Variants in EPB42 observed in about 807,000 individuals in gnomAD.
EPB42 encodes the protein erythrocyte membrane protein band 4.2.
A neutral mutation model predicts 76.9 loss-of-function variants in EPB42; 49 were observed. The ratio of observed to expected loss-of-function variants is 0.64; its 90% CI spans 0.51 to 0.81. The LOEUF (loss-of-function observed/expected upper bound fraction) is 0.81. Among genes scored for constraint, EPB42 ranks in the 30% least tolerant of loss-of-function variants. The pLI, the probability that EPB42 is intolerant of heterozygous loss-of-function variation, is 0.00. For missense variants in EPB42, 731 were observed against 867.6 expected (o/e 0.84, Z 1.98); for synonymous variants, 310 against 338.4 (o/e 0.92, Z 0.92).
chr15:43,224,803 G>T (rs189240620), upstream of EPB42, among the ~76,000 whole-genome samples: 123 of 152,340 alleles, frequency 8.1e-4, no homozygotes, highest in Non-Finnish European at 1.4e-3. Flanking sequence ...TTGAGACAGG[G>T]TCTTGCTCTG....
At chr15:43,204,160 T>C (rs1227142390) in intron 10 of EPB42, among the ~76,000 whole-genome samples, 2 of 152,174 alleles carry the variant, frequency 1.3e-5, no homozygotes, top group Non-Finnish European at 2.9e-5. Context: ...TTGTCTCACC[T>C]TCCCAACGCA....
intron 12 of EPB42, among the ~76,000 whole-genome samples, chr15:43,197,778 G>C (rs2042065312): frequency 6.6e-6 from 1 of 152,152 alleles, no homozygotes; most frequent in Non-Finnish European, 1.5e-5. Context: ...AGAGTGATAT[G>C]GTTTGGCTGT....
rs1357906338 is a variant in EPB42 at position 43,212,369 on chromosome 15, CAAAAAAAAAAAAAAAAAG to C, written c.431-853_431-836del. Among the ~76,000 whole-genome samples, 5 of 86,904 alleles carry C rather than the reference CAAAAAAAAAAAAAAAAAG, an allele frequency of 5.8e-5. No individual in the cohort carries two copies. In the Admixed American group the frequency reaches 6.0e-4, roughly 10 times the overall value. The allele number at this position is 86,904 out of a possible 152,430, so 57.0% of individuals were successfully genotyped here. A position where few individuals can be genotyped will look rare whatever the true frequency, so the allele number is the denominator to read the frequency against. On this transcript the variant is annotated intron_variant, in intron 3 of 12. Transcript: ENST00000441366. The stretch of plus-strand genomic sequence containing the variant: ...GGGCAACAAGAGTGAAACTCCGTCT[CAAAAAAAAAAAAAAAAAG>C]AAAAAAGAAAAAAAAAAGAAAATCC...
intron 3 of EPB42, 28 bp downstream of exon 3, chr15:43,215,067 G>A (rs1357353984): frequency 3.8e-6 from 6 of 1,595,816 alleles, no homozygotes; most frequent in Non-Finnish European, 5.1e-6. Context: ...TCTCCATGCA[G>A]CCCAGGCTGG....
chr15:43,217,413 T>G (rs528023804), intron 1 of EPB42, among the ~76,000 whole-genome samples: 1 of 152,004 alleles, frequency 6.6e-6, no homozygotes, highest in Non-Finnish European at 1.5e-5. Context: ...TCTTTATAAA[T>G]TACCCCATCT....
intron 5 of EPB42, among the ~76,000 whole-genome samples, 179 bp downstream of exon 5, chr15:43,210,156 G>C (rs1036391361): frequency 1.3e-5 from 2 of 152,174 alleles, no homozygotes; most frequent in Non-Finnish European, 2.9e-5. Flanking sequence ...CCCCGCTGTG[G>C]ATGCTATTGC....
chr15:43,198,824 G>C (rs2042085377), intron 12 of EPB42, among the ~76,000 whole-genome samples: 1 of 152,286 alleles, frequency 6.6e-6, no homozygotes, highest in South Asian at 2.1e-4. Flanking sequence ...GCAGCCTAAG[G>C]ACTTGGTGCC....
rs775503565 is a variant in EPB42, at chr15:43,206,485, C to G, written c.1463G>C (p.Arg488Thr). The G allele has an allele frequency of 5.6e-6, 9 of 1,614,090 alleles. No homozygotes were observed. The highest frequency in any genetic ancestry group is 3.4e-6 in the Non-Finnish European group (4 of 1,180,044). The change falls in exon 10 of 13, where the codon AGA becomes ACA. Residue 488 changes from arginine to threonine, a missense_variant. Coordinates refer to ENST00000441366, the MANE Select transcript of EPB42 (RefSeq NM_001114134.2). This position sits in a 1 kb window ranked among gnomAD's most constrained non-coding sequence, Gnocchi z 4.7. Reference sequence around the variant, plus strand: ...CGTCACTGAGATCTGGGCATCCCCTCTCAGGGGTAGGGAGCTGGGTGCTTT... The same window carrying G: ...CGTCACTGAGATCTGGGCATCCCCTGTCAGGGGTAGGGAGCTGGGTGCTTT... ...LLKAPSSLPL[R>T]GDAQISVTLV... is the part of the protein sequence containing the mutation.
Position 43,201,909 on chromosome 15 carries a change from G to T in EPB42, c.1848C>A (p.Ala616=). ...ASVSLQNSLD[A]PMEDCVISIL... ...TGGAGATCACACAGTCCTCCATGGG[G>T]GCATCTAGGGAGTTCTGGAGGCTGA... is the stretch of plus-strand genomic sequence containing the variant. The change falls in exon 12 of 13, where the codon GCC becomes GCA. Residue 616 remains alanine (A), a synonymous_variant. Coordinates refer to ENST00000441366, the MANE Select transcript of EPB42 (RefSeq NM_001114134.2). 6.2e-7 allele frequency: 1 copy of T among 1,614,156 alleles called. No individual in the cohort carries two copies. Among genetic ancestry groups the T allele is most frequent in the South Asian group, 1.1e-5 (1 of 91,084 alleles).
chr15:43,224,189 G>A (rs1272665360), upstream of EPB42, among the ~76,000 whole-genome samples: 1 of 152,146 alleles, frequency 6.6e-6, no homozygotes, highest in Non-Finnish European at 1.5e-5. Context: ...CTGTGTCCAC[G>A]CGGAAAGAGA....
chr15:43,224,001 A>AT (rs1261320083), upstream of EPB42, among the ~76,000 whole-genome samples: 1 of 152,180 alleles, frequency 6.6e-6, no homozygotes, highest in Non-Finnish European at 1.5e-5. Context: ...AAATTAATTA[A>AT]TAAATAATTG....
chr15:43,225,060 C>T (rs1487932283), upstream of EPB42, among the ~76,000 whole-genome samples: 1 of 152,230 alleles, frequency 6.6e-6, no homozygotes, highest in African/African-American at 2.4e-5. Context: ...AGGCATGAGC[C>T]ACCGCGCCCA....
chr15:43,222,580 G>A (rs552881384), upstream of EPB42, among the ~76,000 whole-genome samples: 26 of 152,176 alleles, frequency 1.7e-4, no homozygotes, highest in African/African-American at 5.5e-4. Context: ...ATTGTTTTTT[G>A]AAACTAGGTA....
At chr15:43,203,390 C>A (rs2042156439) in intron 10 of EPB42, 115 bp from the exon 11 acceptor site, 2 of 1,309,220 alleles carry the variant, frequency 1.5e-6, no homozygotes, top group Admixed American at 2.0e-5. Flanking sequence ...GAAAGATGCA[C>A]CATTTTCCCC....
At chr15:43,210,542 C>T (rs1226153034) in intron 4 of EPB42, 103 bp from the exon 5 acceptor site, 13 of 1,050,288 alleles carry the variant, frequency 1.2e-5, no homozygotes, top group Non-Finnish European at 1.6e-5. Context: ...CTCATCATCT[C>T]GTCCTTCTCC....
chr15:43,208,714 G>T lies in EPB42; in HGVS notation c.894C>A (p.Thr298=), dbSNP rs35719500. ...VVTTFASAQG[T]GGRLLIDEYY... Reference sequence around the variant, plus strand: ...ATTCATCTATGAGAAGACGCCCACCGGTGCCCTGTGCTGAGGCAAACGTGG... The same window carrying T: ...ATTCATCTATGAGAAGACGCCCACCTGTGCCCTGTGCTGAGGCAAACGTGG... Residue 298 remains threonine, a synonymous_variant, in exon 7 of 13, where the codon ACC becomes ACA. Transcript: ENST00000441366. 2 of 1,614,184 alleles carry T rather than the reference G, an allele frequency of 1.2e-6. No homozygotes were observed. Among genetic ancestry groups the T allele is most frequent in the East Asian group, 4.5e-5 (2 of 44,890 alleles).
intron 11 of EPB42, among the ~76,000 whole-genome samples, chr15:43,202,802 A>T (rs2042145635): frequency 1.3e-5 from 2 of 152,220 alleles, no homozygotes; most frequent in Non-Finnish European, 2.9e-5. Flanking sequence ...AAAGAAATAA[A>T]GGAGCTGAAA....
upstream of EPB42, among the ~76,000 whole-genome samples, chr15:43,224,710 A>C (rs2042492302): frequency 6.6e-6 from 1 of 152,266 alleles, no homozygotes; most frequent in Non-Finnish European, 1.5e-5. Flanking sequence ...TAAAATACAT[A>C]AAGGTGAAAA....
intron 12 of EPB42, 91 bp downstream of exon 12, chr15:43,201,753 G>A (rs1466937116): frequency 6.3e-6 from 10 of 1,580,704 alleles, no homozygotes; most frequent in Admixed American, 1.7e-5. Flanking sequence ...CTGTCTGCAT[G>A]GACATGGCAA....
Sources: allele counts gnomAD v4.1 joint callset (sites outside exome capture counted in the v4.1 genomes callset), GRCh38; gene constraint gnomAD v4.1.1; non-coding constraint Gnocchi (gnomAD v3.1); transcripts MANE v1.5; gene names NCBI Gene and HGNC (gene_info 2026-07-23, HGNC 2026-07-21).